The following ELMOD1 variants were observed in gnomAD, a reference collection of about 807,000 sequenced individuals.
ELMOD1 encodes the protein ELMO domain containing 1.
Under a neutral mutation model 46.7 loss-of-function variants are expected in ELMOD1, and 21 were observed. The ratio of observed to expected loss-of-function variants is 0.45; its 90% CI spans 0.32 to 0.65. ELMOD1 has a LOEUF of 0.65. Among genes scored for constraint, ELMOD1 ranks in the 30% least tolerant of loss-of-function variants. The probability of loss-of-function intolerance (pLI) is 0.04; values close to 1 mark genes in which losing one functional copy is unlikely to be tolerated. For synonymous variants in ELMOD1, 122 were observed against 138.2 expected (o/e 0.88, Z 0.82); for missense variants, 348 against 407.8 (o/e 0.85, Z 1.26).
At chr11:107,651,207 T>C (rs1866520670) in intron 9 of ELMOD1, among the ~76,000 whole-genome samples, 2 of 152,146 alleles carry the variant, frequency 1.3e-5, no homozygotes, top group Admixed American at 1.3e-4. Flanking sequence ...TCTGACTCCA[T>C]TTACCCCAGA....
intron 8 of ELMOD1, 105 bp from the exon 9 acceptor site, chr11:107,650,779 TG>T: frequency 2.5e-6 from 2 of 792,808 alleles, no homozygotes; most frequent in African/African-American, 1.8e-5. Context: ...TGAGAACATC[TG>T]GAATTACTAA....
chr11:107,639,874 T>A (rs1565383711), intron 6 of ELMOD1, among the ~76,000 whole-genome samples: 1 of 152,138 alleles, frequency 6.6e-6, no homozygotes, highest in Non-Finnish European at 1.5e-5. Flanking sequence ...CCACCACCAT[T>A]TCTCAGATCT....
intron 1 of ELMOD1, among the ~76,000 whole-genome samples, chr11:107,615,525 A>G (rs1865847955): frequency 6.6e-6 from 1 of 151,586 alleles, no homozygotes; most frequent in African/African-American, 2.4e-5. Context: ...GAGCCACCAC[A>G]CCCAGCCTGT....
chr11:107,653,503 T>A (rs1265103354), intron 9 of ELMOD1: 1 of 152,080 alleles, frequency 6.6e-6, no homozygotes, highest in African/African-American at 2.4e-5. Flanking sequence ...TAGCACTTAT[T>A]GGGACAGAGT....
At chr11:107,593,695 A>G (rs1565365651) in intron 1 of ELMOD1, among the ~76,000 whole-genome samples, 1 of 152,222 alleles carries the variant, frequency 6.6e-6, no homozygotes, top group Non-Finnish European at 1.5e-5. Context: ...TTTCAGATAA[A>G]CAGTGAATTA....
Position 107,650,408 on chromosome 11 carries a change from T to C in ELMOD1, c.623+5T>C. The C allele has an allele frequency of 6.4e-7, 1 of 1,572,278 alleles. No homozygotes were observed. The highest frequency in any genetic ancestry group is 8.7e-7 in the Non-Finnish European group (1 of 1,155,354). On this transcript the variant is annotated splice_donor_5th_base_variant and intron_variant, in intron 8 of 11. Coordinates refer to ENST00000265840, the MANE Select transcript of ELMOD1 (RefSeq NM_018712.4). ...CTCTCTTCATCCGAAATGCAGGTAA[T>C]TGTTGAAAGTAAAAGATGAATTAGG...
At chr11:107,625,171 C>T (rs1247016024) in intron 2 of ELMOD1, among the ~76,000 whole-genome samples, 1 of 152,150 alleles carries the variant, frequency 6.6e-6, no homozygotes, top group Non-Finnish European at 1.5e-5. Context: ...ATTTACTAGG[C>T]AAAGTACCTA....
intron 2 of ELMOD1, 129 bp from the exon 3 acceptor site, chr11:107,630,288 A>G (rs983159245): frequency 2.9e-5 from 22 of 750,218 alleles, no homozygotes; most frequent in South Asian, 6.4e-5. Flanking sequence ...GACTAGAAAC[A>G]TATGTTAAGT....
chr11:107,624,541 C>G (rs1045732318), intron 2 of ELMOD1, among the ~76,000 whole-genome samples: 3 of 152,064 alleles, frequency 2.0e-5, no homozygotes, highest in South Asian at 2.1e-4. Context: ...GTCCCAGCTA[C>G]AGGGGAGGCT....
At chr11:107,628,247 A>T (rs1178502941) in intron 2 of ELMOD1, among the ~76,000 whole-genome samples, 1 of 151,756 alleles carries the variant, frequency 6.6e-6, no homozygotes, top group Non-Finnish European at 1.5e-5. Context: ...GCTCACTGCA[A>T]CCTCCGCCTC....
intron 1 of ELMOD1, among the ~76,000 whole-genome samples, chr11:107,606,012 AT>A (rs1865679480): frequency 6.6e-6 from 1 of 152,216 alleles, no homozygotes; most frequent in Non-Finnish European, 1.5e-5. Context: ...ATGCTCAAAA[AT>A]AACCTTAGAA....
rs1866817224 is a variant in ELMOD1 at position 107,665,031 on chromosome 11, T to C, written c.839T>C (p.Leu280Ser). 1 of 1,612,910 alleles carries C rather than the reference T, an allele frequency of 6.2e-7. No individual in the cohort carries two copies. The highest frequency in any genetic ancestry group is 8.5e-7 in the Non-Finnish European group (1 of 1,179,348). Residue 280 changes from leucine (L) to serine (S), a missense_variant, in exon 12 of 12, where the codon TTG becomes TCG. Physicochemically the swap from Leu to Ser is moderately radical, Grantham distance 145. Coordinates refer to ENST00000265840, the MANE Select transcript of ELMOD1 (RefSeq NM_018712.4). ...LSHFQQTFCY[L>S]MHEFHKFWIE... Reference sequence around the variant, plus strand: ...ATTGTATTGTCTCCAACAGGCTATTTGATGCATGAATTTCATAAGTTTTGG... The same window carrying C: ...ATTGTATTGTCTCCAACAGGCTATTCGATGCATGAATTTCATAAGTTTTGG...
At chr11:107,597,202 C>G (rs1442916218) in intron 1 of ELMOD1, among the ~76,000 whole-genome samples, 1 of 152,110 alleles carries the variant, frequency 6.6e-6, no homozygotes, top group African/African-American at 2.4e-5. Context: ...GGATGACAAT[C>G]AGGATTAAAT....
intron 1 of ELMOD1, among the ~76,000 whole-genome samples, chr11:107,597,405 G>T (rs1486675409): frequency 5.9e-5 from 9 of 152,128 alleles, no homozygotes; most frequent in Non-Finnish European, 1.0e-4. Flanking sequence ...AGAAATTAAT[G>T]CTATACTTTG....
intron 1 of ELMOD1, among the ~76,000 whole-genome samples, chr11:107,594,034 C>G (rs1865450230): frequency 6.6e-6 from 1 of 151,982 alleles, no homozygotes; most frequent in Non-Finnish European, 1.5e-5. Context: ...TGGAAGGTGC[C>G]AAGGATGCAA....
At chr11:107,630,874 A>G in intron 4 of ELMOD1, 146 bp downstream of exon 4, 1 of 821,196 alleles carries the variant, frequency 1.2e-6, no homozygotes, top group South Asian at 1.8e-5. Flanking sequence ...GCCCATTACA[A>G]ACCACTGTAC....
chr11:107,648,840 A>G (rs1412015606), intron 7 of ELMOD1, among the ~76,000 whole-genome samples: 1 of 151,382 alleles, frequency 6.6e-6, no homozygotes, highest in African/African-American at 2.4e-5. Context: ...TAACTCAGCT[A>G]ATTGTACTTG....
intron 2 of ELMOD1, among the ~76,000 whole-genome samples, chr11:107,624,933 A>T (rs376051096): frequency 1.3e-5 from 2 of 152,026 alleles, no homozygotes; most frequent in East Asian, 1.9e-4. Flanking sequence ...ACTTTTTCGG[A>T]AGTTAGTGTG....
chr11:107,646,949 T>C (rs553615400), intron 6 of ELMOD1, among the ~76,000 whole-genome samples: 215 of 105,644 alleles, frequency 2.0e-3, no homozygotes, highest in African/African-American at 7.8e-3. Flanking sequence ...ATCTAATCTA[T>C]CTATCTATCT....
Sources: gnomAD v4.1 joint callset for allele counts (sites outside exome capture counted in the v4.1 genomes callset) on GRCh38, gnomAD v4.1.1 for gene constraint, MANE v1.5 for transcripts, NCBI Gene and HGNC (gene_info 2026-07-23, HGNC 2026-07-21) for gene names.